RPS6KA2: variants seen among roughly 807,000 people sequenced by gnomAD.
RPS6KA2 encodes the protein ribosomal protein S6 kinase A2, also known as ribosomal protein S6 kinase alpha-2.
RPS6KA2 carries 42 observed loss-of-function variants against 91.8 expected under a neutral mutation model. That is an observed-to-expected ratio of 0.46 (90% CI 0.36 to 0.59). The LOEUF is 0.59. RPS6KA2 is among the 20% of genes least tolerant of loss of function. RPS6KA2 has a pLI of 0.00. For missense variants in RPS6KA2, 798 were observed against 978.5 expected (o/e 0.82, Z 2.46); for synonymous variants, 414 against 393.6 (o/e 1.05, Z -0.61).
intron 2 of RPS6KA2, among the ~76,000 whole-genome samples, chr6:166,809,832 C>T (rs751792911): frequency 2.0e-5 from 3 of 152,292 alleles, no homozygotes; most frequent in African/African-American, 4.8e-5. Flanking sequence ...TTCCTGAGAA[C>T]GTGTTCAACG....
At chr6:166,633,807 C>T (rs565356422) in intron 2 of RPS6KA2, among the ~76,000 whole-genome samples, 1 of 152,292 alleles carries the variant, frequency 6.6e-6, no homozygotes, top group South Asian at 2.1e-4. Flanking sequence ...ACTGTGCCCT[C>T]TCACAAGATC....
At chr6:166,443,028 C>T (rs750733408) in intron 14 of RPS6KA2, among the ~76,000 whole-genome samples, 11 of 152,056 alleles carry the variant, frequency 7.2e-5, no homozygotes, top group African/African-American at 2.2e-4. Context: ...GTAACATAAA[C>T]GGTCCATTAA....
chr6:166,601,256 T>C (rs1468385071), intron 1 of RPS6KA2, among the ~76,000 whole-genome samples: 2 of 152,202 alleles, frequency 1.3e-5, no homozygotes, highest in Non-Finnish European at 2.9e-5. Flanking sequence ...TGCTCTTAAA[T>C]CCAAATAAAT....
In RPS6KA2 at chr6:166,654,973, A is replaced by G. The variant is rs561508801; in HGVS notation, c.124-116189T>C. Among the ~76,000 whole-genome samples, 6 of 152,160 alleles carry G rather than the reference A, an allele frequency of 3.9e-5. No individual in the cohort carries two copies. In the East Asian group the frequency reaches 1.2e-3, roughly 29 times the overall value. ...TATAAAAAATGTAAAAAAAAATATC[A>G]GGTGTCCATTTTCAAGGCTGAGGGT... On this transcript the variant is annotated intron_variant, in intron 2 of 21. Transcript: ENST00000503859.
intron 2 of RPS6KA2, among the ~76,000 whole-genome samples, chr6:166,734,877 C>A (rs1046110431): frequency 1.3e-5 from 2 of 152,188 alleles, no homozygotes; most frequent in African/African-American, 4.8e-5. Context: ...AGTGTTTTCA[C>A]ATACAGAATG....
At chr6:166,738,744 G>A (rs1182432544) in intron 2 of RPS6KA2, among the ~76,000 whole-genome samples, 1 of 152,188 alleles carries the variant, frequency 6.6e-6, no homozygotes, top group Non-Finnish European at 1.5e-5. Context: ...CTTTCACATA[G>A]AACTGGAAAG....
intron 2 of RPS6KA2, among the ~76,000 whole-genome samples, chr6:166,782,331 A>G (rs1432868818): frequency 6.6e-6 from 1 of 152,112 alleles, no homozygotes; most frequent in African/African-American, 2.4e-5. Flanking sequence ...GACGTTGCCA[A>G]ATGATGTCCC....
At chr6:166,716,845 C>T (rs1289026437) in intron 2 of RPS6KA2, among the ~76,000 whole-genome samples, 1 of 152,106 alleles carries the variant, frequency 6.6e-6, no homozygotes, top group African/African-American at 2.4e-5. Flanking sequence ...TAAAGCATGA[C>T]TAAATTTAAA....
Position 166,495,961 on chromosome 6 carries a change from G to A in RPS6KA2, c.747+2547C>T, listed in dbSNP as rs182283326. On this transcript the variant is annotated intron_variant, in intron 8 of 20. Transcript: ENST00000265678. The surrounding 1 kb of genome is among the most constrained non-coding windows in gnomAD (Gnocchi z 4.4). The stretch of plus-strand genomic sequence containing the variant: ...TTTCCTCTTCTTCTGGCCCCTCGTC[G>A]TGTCTCCATCTTTGGATCATTCCTC... Among the ~76,000 whole-genome samples, 26 of 152,314 alleles carry A rather than the reference G, an allele frequency of 1.7e-4. No individual in the cohort carries two copies. The highest frequency in any genetic ancestry group is 5.5e-4 in the African/African-American group (23 of 41,548).
intron 2 of RPS6KA2, among the ~76,000 whole-genome samples, chr6:166,750,520 C>T (rs909001533): frequency 8.5e-5 from 13 of 152,218 alleles, no homozygotes; most frequent in Non-Finnish European, 1.9e-4. Flanking sequence ...CCAGGCTCTG[C>T]GCTTGCTGGC....
chr6:166,568,507 C>T (rs1174318397), intron 1 of RPS6KA2, among the ~76,000 whole-genome samples: 2 of 151,862 alleles, frequency 1.3e-5, no homozygotes, highest in Non-Finnish European at 2.9e-5. Flanking sequence ...GTCCCAGCTA[C>T]TCAGGAGGCT....
chr6:166,663,880 A>T (rs1333493460), intron 2 of RPS6KA2, among the ~76,000 whole-genome samples: 1 of 152,262 alleles, frequency 6.6e-6, no homozygotes, highest in Non-Finnish European at 1.5e-5. Context: ...GCATGAGGGT[A>T]AATGGCAAGA....
intron 2 of RPS6KA2, among the ~76,000 whole-genome samples, chr6:166,853,484 T>C (rs751350266): frequency 7.2e-5 from 11 of 152,150 alleles, no homozygotes; most frequent in Non-Finnish European, 1.2e-4. Flanking sequence ...AGGTGGGGCC[T>C]CTCCTGGCCC....
At chr6:166,623,660 C>T (rs1313521538) in intron 1 of RPS6KA2, among the ~76,000 whole-genome samples, 2 of 152,152 alleles carry the variant, frequency 1.3e-5, no homozygotes, top group Non-Finnish European at 2.9e-5. Flanking sequence ...AGCAATGTGT[C>T]GTGGTTCTTA....
At chr6:166,853,130 C>A (rs1359715285) in intron 2 of RPS6KA2, among the ~76,000 whole-genome samples, 1 of 152,168 alleles carries the variant, frequency 6.6e-6, no homozygotes, top group Non-Finnish European at 1.5e-5. Flanking sequence ...ACCCTGAAAT[C>A]TAAGCGCTTT....
chr6:166,524,312 C>T (rs1782952684), intron 3 of RPS6KA2, among the ~76,000 whole-genome samples: 1 of 152,128 alleles, frequency 6.6e-6, no homozygotes, highest in African/African-American at 2.4e-5. Context: ...AGGTGCAGTC[C>T]TATCAGAAAA....
intron 1 of RPS6KA2, among the ~76,000 whole-genome samples, chr6:166,586,667 C>T (rs929736832): frequency 6.6e-6 from 1 of 151,976 alleles, no homozygotes; most frequent in Non-Finnish European, 1.5e-5. Context: ...TGTAACCGAG[C>T]GCCTTCCTCT....
intron 1 of RPS6KA2, among the ~76,000 whole-genome samples, chr6:166,602,340 T>A (rs753823958): frequency 1.8e-4 from 27 of 152,156 alleles, no homozygotes; most frequent in Non-Finnish European, 3.2e-4. Context: ...GACCCAGCAA[T>A]CTCACTCCCA....
At chr6:166,548,602 G>A (rs540307694) in intron 1 of RPS6KA2, among the ~76,000 whole-genome samples, 3 of 152,260 alleles carry the variant, frequency 2.0e-5, no homozygotes, top group South Asian at 2.1e-4. Flanking sequence ...CCTTTTTGAC[G>A]AATGATGCTG....
Sources: gnomAD v4.1 joint callset for allele counts (sites outside exome capture counted in the v4.1 genomes callset) on GRCh38, gnomAD v4.1.1 for gene constraint, Gnocchi (gnomAD v3.1) non-coding constraint, MANE v1.5 for transcripts, NCBI Gene and HGNC (gene_info 2026-07-23, HGNC 2026-07-21) for gene names.